Variants in PHF10 observed in about 807,000 individuals in gnomAD.
The protein encoded by PHF10 is BRG1-associated factor 45a.
In PHF10, 51 loss-of-function variants were observed where a neutral mutation model predicts 68.5. The observed-to-expected ratio is 0.74, with a 90% CI of 0.59 to 0.94. PHF10 has a LOEUF of 0.94. PHF10 is among the 40% of genes least tolerant of loss of function. The pLI, the probability that PHF10 is intolerant of heterozygous loss-of-function variation, is 0.00. For synonymous variants in PHF10, 204 were observed against 203.5 expected (o/e 1.00, Z -0.02); for missense variants, 460 against 602.6 (o/e 0.76, Z 2.48).
At chr6:169,705,752 T>G in intron 9 of PHF10, 28 bp from the exon 10 acceptor site, 2 of 1,080,778 alleles carry the variant, frequency 1.9e-6, no homozygotes, top group South Asian at 2.5e-5. Context: ...GGCTATAAAT[T>G]CATGCCAGAA....
rs781490167 is a variant in PHF10, at chr6:169,704,042, C to T, written c.1458G>A (p.Arg486=). ...TGTTTTTCCCCCTTCTGCCCACTTT[C>T]CTGGGTGTTGGGGGGGCCCGCTGAC... ...DCCQRAPPTP[R]KVGRRGKNSK... Residue 486 remains arginine (R), a synonymous_variant, in exon 12 of 12, where the codon AGG becomes AGA. Coordinates refer to ENST00000339209, the MANE Select transcript of PHF10 (RefSeq NM_018288.4). 1.9e-6 allele frequency: 3 copies of T among 1,598,856 alleles called. No homozygotes were observed. The highest frequency in any genetic ancestry group is 2.7e-5 in the African/African-American group (2 of 73,944).
intron 9 of PHF10, chr6:169,708,318 T>G (rs1788852904): frequency 6.6e-6 from 1 of 152,156 alleles, no homozygotes; most frequent in Non-Finnish European, 1.5e-5. Context: ...CAGGTTAATG[T>G]AACCTAAACA....
intron 3 of PHF10, 124 bp from the exon 4 acceptor site, chr6:169,718,030 AGGGGCT>A: frequency 2.1e-6 from 1 of 480,720 alleles, no homozygotes; most frequent in Non-Finnish European, 3.8e-6. Context: ...ATATTATTAA[AGGGGCT>A]ACAAAAAAAT....
In PHF10 at chr6:169,718,688, CAAG is replaced by C. The variant is rs200130508; in HGVS notation, c.325+97_325+99del. ...TAGTCTTAAAAAAAAACAGCAAGCACAAGAATATAAAATATAATCTACAGAAAA... is the reference window on the plus strand; with the variant it reads ...TAGTCTTAAAAAAAAACAGCAAGCACAATATAAAATATAATCTACAGAAAA... On this transcript the variant is annotated intron_variant, in intron 3 of 11. Coordinates refer to ENST00000339209, the MANE Select transcript of PHF10 (RefSeq NM_018288.4). The C allele has an allele frequency of 1.7e-3, 1,284 of 739,466 alleles. 13 individuals carry two copies. In the African/African-American group the frequency reaches 0.02, roughly 11 times the overall value. 45.8% of individuals were successfully genotyped at this position (739,466 alleles called of 1,614,324 possible).
intron 8 of PHF10, among the ~76,000 whole-genome samples, chr6:169,711,404 G>T (rs1788924566): frequency 6.6e-6 from 1 of 152,018 alleles, no homozygotes; most frequent in South Asian, 2.1e-4. Context: ...ACACTCAAAT[G>T]GACCTTTTTT....
Position 169,714,862 on chromosome 6 carries a change from AAC to A in PHF10, c.694-22_694-21del, listed in dbSNP as rs767542125. On this transcript the variant is annotated intron_variant, in intron 6 of 11. Transcript: ENST00000339209. ...GATAACCTACGTTAACATAAAGAGA[AAC>A]ACAAAACTGATTCCATGCTAAGAAT... The A allele has an allele frequency of 2.6e-6, 3 of 1,133,420 alleles. No homozygotes were observed. The highest frequency in any genetic ancestry group is 4.7e-5 in the East Asian group (2 of 42,688). 70.2% of individuals were successfully genotyped at this position (1,133,420 alleles called of 1,614,324 possible).
intron 9 of PHF10, among the ~76,000 whole-genome samples, chr6:169,706,191 A>G (rs80278708): frequency 1.9e-3 from 295 of 152,318 alleles, no homozygotes; most frequent in African/African-American, 6.5e-3. Context: ...AAGTTAAAAA[A>G]TCAGCTTATC....
chr6:169,715,253 G>T (rs1789018885), intron 6 of PHF10, among the ~76,000 whole-genome samples: 1 of 152,136 alleles, frequency 6.6e-6, no homozygotes, highest in African/African-American at 2.4e-5. Context: ...GTCTCATTTA[G>T]AATTATTAAC....
intron 9 of PHF10, chr6:169,706,985 G>A (rs1361138198): frequency 6.6e-6 from 1 of 151,884 alleles, no homozygotes; most frequent in Non-Finnish European, 1.5e-5. Flanking sequence ...CTTAAGTTTT[G>A]TACTTTTTAA....
intron 7 of PHF10, among the ~76,000 whole-genome samples, chr6:169,714,369 G>C (rs1788995708): frequency 6.6e-6 from 1 of 152,208 alleles, no homozygotes; most frequent in Admixed American, 6.5e-5. Flanking sequence ...TGCAGACTCT[G>C]AGTCATAGGT....
At chr6:169,708,723 A>G (rs1788862528) in intron 9 of PHF10, 2 of 152,296 alleles carry the variant, frequency 1.3e-5, no homozygotes, top group South Asian at 4.1e-4. Flanking sequence ...GCCTGTATTA[A>G]AACATCTATT....
intron 2 of PHF10, 125 bp from the exon 3 acceptor site, chr6:169,719,043 CTGTG>C: frequency 3.2e-6 from 2 of 618,170 alleles, no homozygotes; most frequent in Admixed American, 6.1e-5. Flanking sequence ...ACTTGACTTC[CTGTG>C]TATCAAAGAA....
In PHF10 at chr6:169,705,570, A is replaced by C. The variant is rs369940135; in HGVS notation, c.1222+46T>G. Reference sequence around the variant, plus strand: ...AACTATAAATTCTAGTTTTTGAACCAATAAATACGGTGGTTAAAATTTTAA... The same window carrying C: ...AACTATAAATTCTAGTTTTTGAACCCATAAATACGGTGGTTAAAATTTTAA... On this transcript the variant is annotated intron_variant, in intron 10 of 11. Transcript: ENST00000339209. 406 of 1,012,916 alleles carry C rather than the reference A, an allele frequency of 4.0e-4. 1 individual carries two copies. Among genetic ancestry groups the C allele is most frequent in the Admixed American group, 1.0e-3 (61 of 58,582 alleles). The allele number at this position is 1,012,916 out of a possible 1,614,324, so 62.7% of individuals were successfully genotyped here.
chr6:169,724,491 C>T lies in PHF10; in HGVS notation c.-560G>A, dbSNP rs1184022436. ...CGCCGCCTGGCTCCCCACGGCCCGGCGTTGTACTCGGCCGCGGCTCCCCCC... is the reference window on the plus strand; with the variant it reads ...CGCCGCCTGGCTCCCCACGGCCCGGTGTTGTACTCGGCCGCGGCTCCCCCC... On this transcript the variant is annotated 5_prime_UTR_variant, in exon 1 of 12. Transcript: ENST00000339209. Among the ~76,000 whole-genome samples the T allele has an allele frequency of 3.5e-5, 5 of 144,368 alleles. No individual in the cohort carries two copies. The highest frequency in any genetic ancestry group is 6.1e-5 in the Non-Finnish European group (4 of 65,172). The allele number at this position is 144,368 out of a possible 152,430, so 94.7% of individuals were successfully genotyped here.
intron 11 of PHF10, 38 bp from the exon 12 acceptor site, chr6:169,704,126 C>T: frequency 6.9e-7 from 1 of 1,455,920 alleles, no homozygotes; most frequent in South Asian, 1.3e-5. Flanking sequence ...GAAAAATTAT[C>T]TTTACAGGAC....
rs1218320683 is a variant in PHF10 at position 169,718,764 on chromosome 6, TTAATC to T, written c.325+19_325+23del. The T allele has an allele frequency of 2.3e-6, 3 of 1,282,846 alleles. No individual in the cohort carries two copies. The East Asian group carries it at 7.0e-5, about 30-fold the overall frequency. 79.5% of individuals were successfully genotyped at this position (1,282,846 alleles called of 1,614,324 possible). ...ATAAAGAATTACTATCAATTATAAA[TTAATC>T]TATTATATAAACTAGTACCTGGATA... On this transcript the variant is annotated intron_variant, in intron 3 of 11. Transcript: ENST00000339209.
At chr6:169,720,919 T>C in intron 2 of PHF10, 86 bp downstream of exon 2, 1 of 682,744 alleles carries the variant, frequency 1.5e-6, no homozygotes, top group Non-Finnish European at 2.5e-6. Context: ...ATAATTGCCT[T>C]TGCCAGAGCT....
At chr6:169,716,710 GC>G in intron 4 of PHF10, among the ~76,000 whole-genome samples, 1 of 152,108 alleles carries the variant, frequency 6.6e-6, no homozygotes, top group Non-Finnish European at 1.5e-5. Flanking sequence ...AAGAAAATTT[GC>G]CTTTTTGCAT....
intron 3 of PHF10, 44 bp downstream of exon 3, chr6:169,718,744 G>A: frequency 9.0e-7 from 1 of 1,106,000 alleles, no homozygotes. Context: ...GTATCATAAA[G>A]AATTACTATC....
Sources: gnomAD v4.1 joint callset for allele counts (sites outside exome capture counted in the v4.1 genomes callset) on GRCh38, gnomAD v4.1.1 for gene constraint, MANE v1.5 for transcripts, NCBI Gene and HGNC (gene_info 2026-07-23, HGNC 2026-07-21) for gene names.